The following RAD51B variants were observed in gnomAD, a reference collection of about 807,000 sequenced individuals.
The protein encoded by RAD51B is DNA repair protein RAD51 homolog 2.
RAD51B carries 38 observed loss-of-function variants against 42.2 expected under a neutral mutation model. The ratio of observed to expected loss-of-function variants is 0.90; its 90% CI spans 0.70 to 1.18. RAD51B has a LOEUF of 1.18. RAD51B is among the 50% of genes most tolerant of loss of function. The pLI is 0.00. For missense variants in RAD51B, 373 were observed against 400.7 expected, an observed-to-expected ratio of 0.93 and a Z score of 0.59; for synonymous variants, 154 against 145.2, an observed-to-expected ratio of 1.06 and a Z score of -0.43.
intron 7 of RAD51B, among the ~76,000 whole-genome samples, chr14:67,893,662 C>A (rs144338953): frequency 6.6e-6 from 1 of 151,832 alleles, no homozygotes; most frequent in South Asian, 2.1e-4. Context: ...CAGAGCAAGA[C>A]CCTGTCTCAA....
At chr14:68,468,023 T>G in intron 9 of RAD51B, 149 bp from the exon 10 acceptor site, 1 of 656,770 alleles carries the variant, frequency 1.5e-6, no homozygotes, top group Non-Finnish European at 2.7e-6. Context: ...CATTTAAACA[T>G]TGGGTTATAA....
At chr14:68,310,398 C>G (rs2081946709) in intron 8 of RAD51B, among the ~76,000 whole-genome samples, 1 of 152,188 alleles carries the variant, frequency 6.6e-6, no homozygotes, top group African/African-American at 2.4e-5. Context: ...CTTCTCTGTG[C>G]TTGTGTTTTT....
intron 7 of RAD51B, among the ~76,000 whole-genome samples, chr14:68,048,144 G>C (rs929891599): frequency 1.3e-5 from 2 of 152,212 alleles, no homozygotes; most frequent in Non-Finnish European, 2.9e-5. Context: ...TATTTAATAA[G>C]AGGTTAAGAT....
intron 7 of RAD51B, among the ~76,000 whole-genome samples, chr14:68,040,086 C>T (rs1486705081): frequency 6.6e-6 from 1 of 152,160 alleles, no homozygotes; most frequent in Non-Finnish European, 1.5e-5. Flanking sequence ...TTATGGATAG[C>T]TTCACAATTC....
chr14:68,664,808 C>T (rs1893000493), intron 11 of RAD51B, among the ~76,000 whole-genome samples: 1 of 152,222 alleles, frequency 6.6e-6, no homozygotes, highest in Non-Finnish European at 1.5e-5. Context: ...CTCTTATCCT[C>T]TATCTCCTGG....
chr14:68,670,560 G>A (rs1438214784), intron 11 of RAD51B, among the ~76,000 whole-genome samples: 1 of 152,172 alleles, frequency 6.6e-6, no homozygotes, highest in Non-Finnish European at 1.5e-5. Context: ...CCAGTCCCCA[G>A]CCATGCCCAG....
chr14:68,490,185 TA>T (rs1479957208), intron 10 of RAD51B, among the ~76,000 whole-genome samples: 1 of 152,250 alleles, frequency 6.6e-6, no homozygotes, highest in East Asian at 1.9e-4. Context: ...GAAAGTAATA[TA>T]AATGGGATAA....
At chr14:68,573,982 G>A (rs1054968252) in intron 10 of RAD51B, among the ~76,000 whole-genome samples, 2 of 20,292 alleles carry the variant, frequency 9.9e-5, no homozygotes, top group Non-Finnish European at 3.1e-4. Context: ...GTGTGTGTAT[G>A]TGTGTGTGTG....
chr14:67,830,828 A>G (rs1353272816), intron 3 of RAD51B, among the ~76,000 whole-genome samples: 1 of 152,018 alleles, frequency 6.6e-6, no homozygotes, highest in Non-Finnish European at 1.5e-5. Flanking sequence ...TGAGATCAGG[A>G]ATACTGGAAG....
At chr14:68,375,376 G>A (rs1183220744) in intron 8 of RAD51B, among the ~76,000 whole-genome samples, 1 of 152,088 alleles carries the variant, frequency 6.6e-6, no homozygotes. Context: ...CTTGAGTCTA[G>A]TAAACAAACT....
At chr14:67,899,790 A>G (rs2043549171) in intron 7 of RAD51B, among the ~76,000 whole-genome samples, 1 of 152,196 alleles carries the variant, frequency 6.6e-6, no homozygotes, top group Admixed American at 6.5e-5. Flanking sequence ...TATTCTAAAT[A>G]AGTTTGTGAG....
intron 7 of RAD51B, among the ~76,000 whole-genome samples, chr14:68,001,596 T>C (rs998483815): frequency 6.6e-6 from 1 of 152,228 alleles, no homozygotes; most frequent in African/African-American, 2.4e-5. Flanking sequence ...GTTTGTTGCA[T>C]AGGCAAATGT....
intron 7 of RAD51B, among the ~76,000 whole-genome samples, chr14:67,931,203 G>A (rs909063561): frequency 6.6e-6 from 1 of 152,140 alleles, no homozygotes; most frequent in Non-Finnish European, 1.5e-5. Context: ...TTACAGGCGT[G>A]AGCCACCGCG....
At chr14:68,247,198 C>CT (rs1159676692) in intron 7 of RAD51B, among the ~76,000 whole-genome samples, 2 of 151,770 alleles carry the variant, frequency 1.3e-5, no homozygotes, top group African/African-American at 4.8e-5. Flanking sequence ...TATCCTTTTG[C>CT]TTTATTCACC....
At chr14:68,343,782 T>C (rs2082617358) in intron 8 of RAD51B, among the ~76,000 whole-genome samples, 1 of 152,286 alleles carries the variant, frequency 6.6e-6, no homozygotes, top group Non-Finnish European at 1.5e-5. Flanking sequence ...GCCATTGCCC[T>C]GCTCAGGCTT....
At chr14:68,225,069 T>A (rs536066153) in intron 7 of RAD51B, among the ~76,000 whole-genome samples, 36 of 152,212 alleles carry the variant, frequency 2.4e-4, no homozygotes, top group African/African-American at 1.4e-4. Flanking sequence ...AAGAAAAAAA[T>A]TTAGACATAC....
At chr14:68,438,161 T>C (rs1275822401) in intron 9 of RAD51B, among the ~76,000 whole-genome samples, 2 of 152,138 alleles carry the variant, frequency 1.3e-5, no homozygotes, top group Non-Finnish European at 2.9e-5. Flanking sequence ...GATTTGTACC[T>C]TCCAAGTCTC....
At chr14:67,858,831 T>A (rs2061732798) in intron 4 of RAD51B, among the ~76,000 whole-genome samples, 1 of 152,260 alleles carries the variant, frequency 6.6e-6, no homozygotes, top group Admixed American at 6.5e-5. Context: ...CATAAGCATT[T>A]CTTTATTTCA....
chr14:67,905,376 A>G (rs984141571), intron 7 of RAD51B, among the ~76,000 whole-genome samples: 7 of 151,804 alleles, frequency 4.6e-5, no homozygotes, highest in African/African-American at 1.7e-4. Context: ...GTGTTATAAT[A>G]TTTTTGCTTA....
Sources: allele counts gnomAD v4.1 joint callset (sites outside exome capture counted in the v4.1 genomes callset), GRCh38; gene constraint gnomAD v4.1.1; transcripts MANE v1.5; gene names NCBI Gene and HGNC (gene_info 2026-07-23, HGNC 2026-07-21).